KHDC4: variants seen among roughly 807,000 people sequenced by gnomAD.
KHDC4 encodes KH homology domain-containing protein 4.
A neutral mutation model predicts 74.5 loss-of-function variants in KHDC4; 19 were observed. The observed-to-expected ratio is 0.26, with a 90% confidence interval of 0.18 to 0.37. KHDC4 has a LOEUF of 0.37. Ranked by LOEUF, KHDC4 falls within the 10% of genes least tolerant of loss-of-function variation. The pLI is 1.00. For synonymous variants in KHDC4, 253 were observed against 266.1 expected, an observed-to-expected ratio of 0.95 and a Z score of 0.48; for missense variants, 632 against 754.1, an observed-to-expected ratio of 0.84 and a Z score of 1.90.
chr1:155,927,360 C>A (rs979611572), intron 4 of KHDC4, among the ~76,000 whole-genome samples: 2 of 152,144 alleles, frequency 1.3e-5, no homozygotes, highest in Non-Finnish European at 2.9e-5. Context: ...TTTTAAAAGT[C>A]AACTGGCCCA....
rs1440059432 is a variant in KHDC4, at chr1:155,923,480, A to T, written c.954+147T>A. 2.3e-5 allele frequency: 14 copies of T among 618,088 alleles called. 1 individual carries two copies. In the South Asian group the frequency reaches 2.8e-4, roughly 12 times the overall value. The allele number at this position is 618,088 out of a possible 1,614,324, so 38.3% of individuals were successfully genotyped here. Reference sequence around the variant, plus strand: ...CAGACTCTGCTTCCTGGACTGTGATAGAATAAATTTGTGTTATTTTAAGCC... The same window carrying T: ...CAGACTCTGCTTCCTGGACTGTGATTGAATAAATTTGTGTTATTTTAAGCC... On this transcript the variant is annotated intron_variant, in intron 8 of 13. Transcript: ENST00000368321.
intron 2 of KHDC4, among the ~76,000 whole-genome samples, chr1:155,931,290 C>CAAAAAAAAAAA (rs55769714): frequency 9.1e-6 from 1 of 109,660 alleles, no homozygotes. Context: ...ACTCTATCAC[C>CAAAAAAAAAAA]AAAAAAAAAA....
intron 7 of KHDC4, among the ~76,000 whole-genome samples, chr1:155,924,161 C>A (rs1673931038): frequency 6.6e-6 from 1 of 151,868 alleles, no homozygotes; most frequent in Admixed American, 6.6e-5. Context: ...ACTAAAAATA[C>A]AAAAAATTAG....
In KHDC4 at chr1:155,916,609, A is replaced by C; in HGVS notation, c.1553+16T>G. 6.5e-7 allele frequency: 1 copy of C among 1,546,494 alleles called. No individual in the cohort carries two copies. Among genetic ancestry groups the C allele is most frequent in the South Asian group, 1.1e-5 (1 of 89,532 alleles). The stretch of plus-strand genomic sequence containing the variant: ...AAATAACATCTGAATACATTTGCAT[A>C]ATTATTCCAACTTACCTGTCCCTCT... On this transcript the variant is annotated intron_variant, in intron 12 of 13. Transcript: ENST00000368321.
chr1:155,917,241 G>C (rs577688615), intron 11 of KHDC4, among the ~76,000 whole-genome samples: 171 of 152,262 alleles, frequency 1.1e-3, no homozygotes, highest in African/African-American at 4.0e-3. Context: ...GGGTAAAAGA[G>C]AGAGCACCAC....
intron 10 of KHDC4, 50 bp downstream of exon 10, chr1:155,921,325 C>T (rs781202684): frequency 2.5e-6 from 4 of 1,592,560 alleles, no homozygotes; most frequent in African/African-American, 1.3e-5. Flanking sequence ...CCTCTTTCCC[C>T]AGTTTTTCCT....
intron 5 of KHDC4, 88 bp downstream of exon 5, chr1:155,927,016 C>T: frequency 7.3e-7 from 1 of 1,373,934 alleles, no homozygotes; most frequent in South Asian, 1.2e-5. Context: ...TTAGAACAGC[C>T]ATCAGGGACA....
Position 155,933,859 on chromosome 1 carries a change from G to A in KHDC4, c.39-10C>T. 6.6e-7 allele frequency: 1 copy of A among 1,514,610 alleles called. No homozygotes were observed. The highest frequency in any genetic ancestry group is 8.9e-7 in the Non-Finnish European group (1 of 1,126,934). 93.8% of individuals were successfully genotyped at this position (1,514,610 alleles called of 1,614,324 possible). A position where few individuals can be genotyped will look rare whatever the true frequency, so the allele number is the denominator to read the frequency against. ...CCATTTGCTGCGGCGCCTACATGGAGAAAAAGGAAAACATTAGGCCCCAAA... is the reference window on the plus strand; with the variant it reads ...CCATTTGCTGCGGCGCCTACATGGAAAAAAAGGAAAACATTAGGCCCCAAA... On this transcript the variant is annotated splice_polypyrimidine_tract_variant and intron_variant, in intron 1 of 13. Coordinates refer to ENST00000368321, the MANE Select transcript of KHDC4 (RefSeq NM_014949.4).
At chr1:155,927,592 G>A (rs1476446642) in intron 4 of KHDC4, among the ~76,000 whole-genome samples, 4 of 151,756 alleles carry the variant, frequency 2.6e-5, no homozygotes, top group African/African-American at 7.3e-5. Context: ...ATGACATGAG[G>A]CCAAGAGTTT....
At chr1:155,922,961 T>C (rs1332770089) in intron 8 of KHDC4, among the ~76,000 whole-genome samples, 1 of 152,074 alleles carries the variant, frequency 6.6e-6, no homozygotes, top group Non-Finnish European at 1.5e-5. Context: ...ATCCCAGCAC[T>C]TTGGGAGGCC....
At chr1:155,930,262 C>T (rs1447121617) in intron 2 of KHDC4, among the ~76,000 whole-genome samples, 1 of 152,158 alleles carries the variant, frequency 6.6e-6, no homozygotes, top group Non-Finnish European at 1.5e-5. Context: ...TTCCCAAGTC[C>T]CACACCTCCC....
At chr1:155,917,840 T>G (rs1306972308) in intron 10 of KHDC4, among the ~76,000 whole-genome samples, 168 bp from the exon 11 acceptor site, 2 of 152,176 alleles carry the variant, frequency 1.3e-5, no homozygotes, top group Non-Finnish European at 2.9e-5. Flanking sequence ...ACCTAAGCCT[T>G]CTCACCTTCA....
In KHDC4 at chr1:155,914,304, C is replaced by A. The variant is rs1214694893; in HGVS notation, c.1662G>T (p.Lys554Asn). The A allele has an allele frequency of 1.9e-6, 3 of 1,613,552 alleles. No individual in the cohort carries two copies. Among genetic ancestry groups the A allele is most frequent in the African/African-American group, 1.3e-5 (1 of 74,868 alleles). Residue 554 changes from lysine (K) to asparagine (N), a missense_variant, in exon 14 of 14, where the codon AAG becomes AAT. Lys to Asn is a moderately conservative substitution (Grantham distance 94). This residue lies in a region of KHDC4 where 254 missense variants were observed against 267.4 expected (regional missense o/e 0.95). Transcript: ENST00000368321. ...CAAATCCCTTCTCTGTAGTTTTCAT[C>A]TTCTTGGCTGGATAATCTAGAATAG... ...LTGSHDYPAK[K>N]MKTTEKGFGL...
At chr1:155,933,046 A>G (rs1444268784) in intron 2 of KHDC4, among the ~76,000 whole-genome samples, 12 of 152,344 alleles carry the variant, frequency 7.9e-5, no homozygotes, top group Middle Eastern at 3.4e-3. Context: ...AAGCACATAT[A>G]TTAAAAACAT....
At chr1:155,921,987 A>C (rs868294890) in intron 8 of KHDC4, 69 bp from the exon 9 acceptor site, 1 of 944,628 alleles carries the variant, frequency 1.1e-6, no homozygotes, top group Non-Finnish European at 1.7e-6. Flanking sequence ...GTCTGATTAC[A>C]TAATTCTAGG....
chr1:155,929,590 A>G (rs1674099340), intron 3 of KHDC4, 122 bp downstream of exon 3: 4 of 1,191,840 alleles, frequency 3.4e-6, no homozygotes, highest in Non-Finnish European at 2.4e-6. Flanking sequence ...ATTAAACCCA[A>G]TCCTGACTTT....
chr1:155,926,537 A>G, intron 6 of KHDC4, 139 bp downstream of exon 6: 2 of 936,602 alleles, frequency 2.1e-6, no homozygotes, highest in Non-Finnish European at 1.7e-6. Flanking sequence ...AGGCTGGTCC[A>G]AATTCCTGAC....
Position 155,916,671 on chromosome 1 carries a change from C to T in KHDC4, c.1507G>A (p.Gly503Arg), listed in dbSNP as rs776278006. 6.2e-7 allele frequency: 1 copy of T among 1,613,950 alleles called. No individual in the cohort carries two copies. The highest frequency in any genetic ancestry group is 8.5e-7 in the Non-Finnish European group (1 of 1,179,996). ...CCTGAGGAACTTGCTGGCTTCGATC[C>T]TGCACCTTCAATCTCATTCTGACTG... ...FSSQNEIEGA[G>R]SKPASSSGKE... The change falls in exon 12 of 14, where the codon GGA (glycine) becomes AGA (arginine). Residue 503 changes from glycine (G) to arginine (R), a missense_variant. Transcript: ENST00000368321.
chr1:155,923,478 A>G, intron 8 of KHDC4, 149 bp downstream of exon 8: 1 of 614,180 alleles, frequency 1.6e-6, no homozygotes, highest in Non-Finnish European at 3.0e-6. Context: ...CTGGACTGTG[A>G]TAGAATAAAT....
Sources: allele counts gnomAD v4.1 joint callset (sites outside exome capture counted in the v4.1 genomes callset), GRCh38; gene constraint gnomAD v4.1.1; regional missense constraint gnomAD v4.1.1; transcripts MANE v1.5; gene names NCBI Gene and HGNC (gene_info 2026-07-23, HGNC 2026-07-21).